The following SORCS1 variants were observed in gnomAD, a reference collection of about 807,000 sequenced individuals.
The protein encoded by SORCS1 is sortilin related VPS10 domain containing receptor 1, also known as VPS10 domain-containing receptor SorCS1.
SORCS1 carries 60 observed loss-of-function variants against 146.1 expected under a neutral mutation model. The ratio of observed to expected loss-of-function variants is 0.41; its 90% CI spans 0.33 to 0.51. The LOEUF is 0.51. Ranked by LOEUF, SORCS1 falls within the 20% of genes least tolerant of loss-of-function variation. The probability of loss-of-function intolerance (pLI) is 0.21; values close to 1 mark genes in which losing one functional copy is unlikely to be tolerated. For synonymous variants in SORCS1, 637 were observed against 584.0 expected (o/e 1.09, Z -1.31); for missense variants, 1,352 against 1,487.6 (o/e 0.91, Z 1.50).
chr10:106,843,305 T>A lies in SORCS1; in HGVS notation c.627-13632A>T, dbSNP rs532605257. 2.6e-5 allele frequency among the ~76,000 whole-genome samples: 4 copies of A among 152,318 alleles called. No homozygotes were observed. The East Asian group carries it at 7.7e-4, about 29-fold the overall frequency. On this transcript the variant is annotated intron_variant, in intron 2 of 25. Transcript: ENST00000263054. ...ACTCTACTCTCTGTTACTATGAGTC[T>A]GGCTCTTTTATAGATTCCACATGTA...
chr10:106,625,242 GT>G (rs1564791936), intron 19 of SORCS1, among the ~76,000 whole-genome samples: 1 of 132,664 alleles, frequency 7.5e-6, no homozygotes, highest in African/African-American at 3.1e-5. Context: ...GTGTGTGTGT[GT>G]GTGTACACTG....
chr10:106,785,450 A>T (rs1467510988), intron 3 of SORCS1, among the ~76,000 whole-genome samples: 1 of 152,174 alleles, frequency 6.6e-6, no homozygotes, highest in Non-Finnish European at 1.5e-5. Context: ...ATGCCCCTGT[A>T]CATGTAATAC....
intron 2 of SORCS1, among the ~76,000 whole-genome samples, chr10:106,944,435 G>A (rs1222141994): frequency 6.6e-6 from 1 of 151,956 alleles, no homozygotes; most frequent in Non-Finnish European, 1.5e-5. Flanking sequence ...TCCTTCTTTG[G>A]ATTCAGTTCA....
rs183116876 is a variant in SORCS1 at position 106,731,704 on chromosome 10, C to G, written c.960-1590G>C. On this transcript the variant is annotated intron_variant, in intron 5 of 25. Transcript: ENST00000263054. ...TTCCAATATGAAGGCATCCTCTTCC[C>G]CCAACAGACACACACACAACACACA... Among the ~76,000 whole-genome samples the G allele has an allele frequency of 4.2e-3, 645 of 152,122 alleles. 4 individuals are homozygous for G. The highest frequency in any genetic ancestry group is 5.6e-3 in the Non-Finnish European group (384 of 68,000).
intron 2 of SORCS1, among the ~76,000 whole-genome samples, chr10:106,853,953 A>G (rs186874313): frequency 3.2e-4 from 49 of 152,128 alleles, no homozygotes; most frequent in Admixed American, 3.1e-3. Context: ...TTGTCTAGAG[A>G]TATCAATTTT....
chr10:106,674,359 T>TAAAAAAAAAAAAAA (rs1851865036), intron 14 of SORCS1, among the ~76,000 whole-genome samples: 1 of 29,902 alleles, frequency 3.3e-5, no homozygotes, highest in African/African-American at 1.0e-4. Flanking sequence ...AAAAAAAAAG[T>TAAAAAAAAAAAAAA]AGTAGTGGTA....
intron 2 of SORCS1, among the ~76,000 whole-genome samples, chr10:106,931,856 T>G (rs1179362961): frequency 7.2e-5 from 11 of 151,990 alleles, no homozygotes; most frequent in African/African-American, 2.2e-4. Context: ...ATTTCTGGAA[T>G]CAAAGGTAAG....
chr10:107,180,944 T>C, the SORCS1 span, among the ~76,000 whole-genome samples: 2 of 152,202 alleles, frequency 1.3e-5, no homozygotes, highest in Non-Finnish European at 2.9e-5. Context: ...CTGAATACTG[T>C]AGGCAATTCT....
At chr10:107,078,041 T>C (rs1395929591) in intron 1 of SORCS1, among the ~76,000 whole-genome samples, 1 of 152,202 alleles carries the variant, frequency 6.6e-6, no homozygotes, top group African/African-American at 2.4e-5. Context: ...TTATGATGAA[T>C]ATAAAGTGTT....
chr10:107,001,887 T>C (rs1030117612), intron 1 of SORCS1, among the ~76,000 whole-genome samples: 2 of 152,224 alleles, frequency 1.3e-5, no homozygotes, highest in Admixed American at 6.5e-5. Flanking sequence ...CACCAATCTG[T>C]TATTATTGGT....
At chr10:106,679,166 AC>A in intron 12 of SORCS1, 89 bp downstream of exon 12, 1 of 824,456 alleles carries the variant, frequency 1.2e-6, no homozygotes, top group East Asian at 2.5e-5. Flanking sequence ...TATGTGTAGC[AC>A]CGCTGAAAAA....
rs191624284 is a variant in SORCS1 at position 106,669,090 on chromosome 10, G to A, written c.2190-1288C>T. Among the ~76,000 whole-genome samples the A allele has an allele frequency of 2.0e-3, 306 of 152,220 alleles. 2 individuals are homozygous for A. The highest frequency in any genetic ancestry group is 7.3e-3 in the African/African-American group (305 of 41,524). On this transcript the variant is annotated intron_variant, in intron 16 of 25. Transcript: ENST00000263054. ...TTCCCACTTCTCAGAATGCATTTCA[G>A]CTGGTGGGATGAGTAGCCGATTCCA... is the stretch of plus-strand genomic sequence containing the variant.
intron 1 of SORCS1, among the ~76,000 whole-genome samples, chr10:107,141,881 A>G (rs1451472413): frequency 6.6e-6 from 1 of 152,228 alleles, no homozygotes; most frequent in Non-Finnish European, 1.5e-5. Context: ...ATATTGCACA[A>G]TCAAAAACAC....
At chr10:106,708,323 T>C (rs1436793769) in intron 7 of SORCS1, among the ~76,000 whole-genome samples, 1 of 152,108 alleles carries the variant, frequency 6.6e-6, no homozygotes, top group Non-Finnish European at 1.5e-5. Context: ...GGTAGGCATT[T>C]AAACAAATTG....
intron 18 of SORCS1, among the ~76,000 whole-genome samples, chr10:106,630,057 C>G (rs1184246962): frequency 6.6e-6 from 1 of 152,004 alleles, no homozygotes; most frequent in African/African-American, 2.4e-5. Context: ...AACAAAGAAA[C>G]AAACAAACAA....
At chr10:107,140,816 A>C (rs765973892) in intron 1 of SORCS1, among the ~76,000 whole-genome samples, 2 of 152,210 alleles carry the variant, frequency 1.3e-5, no homozygotes, top group Non-Finnish European at 2.9e-5. Context: ...GTAATACTCA[A>C]GTTAACCCTG....
At chr10:106,622,623 T>C (rs997694189) in intron 19 of SORCS1, among the ~76,000 whole-genome samples, 4 of 152,220 alleles carry the variant, frequency 2.6e-5, no homozygotes, top group Non-Finnish European at 5.9e-5. Flanking sequence ...GAGAAGCAGT[T>C]GATTATAAGC....
chr10:106,992,641 T>C (rs1188433101), intron 1 of SORCS1, among the ~76,000 whole-genome samples: 4 of 151,324 alleles, frequency 2.6e-5, no homozygotes, highest in Admixed American at 6.6e-5. Flanking sequence ...ACTATAGGTG[T>C]ACACCATCAC....
chr10:106,689,389 A>G (rs901618950), intron 9 of SORCS1, among the ~76,000 whole-genome samples: 2 of 152,178 alleles, frequency 1.3e-5, no homozygotes, highest in African/African-American at 4.8e-5. Context: ...CTGCATGTAC[A>G]TTACCTCATT....
Sources: gnomAD v4.1 joint callset for allele counts (sites outside exome capture counted in the v4.1 genomes callset) on GRCh38, gnomAD v4.1.1 for gene constraint, MANE v1.5 for transcripts, NCBI Gene and HGNC (gene_info 2026-07-23, HGNC 2026-07-21) for gene names.